The following SERINC3 variants were observed in gnomAD, a reference collection of about 807,000 sequenced individuals.
SERINC3 encodes tumor differentially expressed protein 1.
A neutral mutation model predicts 52.1 loss-of-function variants in SERINC3; 22 were observed. That is an observed-to-expected ratio of 0.42 (90% CI 0.30 to 0.60). The LOEUF is 0.60. Ranked by LOEUF, SERINC3 falls within the 20% of genes least tolerant of loss-of-function variation. SERINC3 has a pLI of 0.16. For synonymous variants in SERINC3, 226 were observed against 212.7 expected (o/e 1.06, Z -0.54); for missense variants, 564 against 584.6 (o/e 0.96, Z 0.36).
intron 6 of SERINC3, among the ~76,000 whole-genome samples, chr20:44,506,490 G>A (rs1332208204): frequency 6.8e-6 from 1 of 146,610 alleles, no homozygotes; most frequent in Admixed American, 7.0e-5. Flanking sequence ...GGAGGCTGAG[G>A]CAGAGAACTG....
intron 2 of SERINC3, among the ~76,000 whole-genome samples, 174 bp downstream of exon 2, chr20:44,513,705 A>G (rs61418818): frequency 0.013 from 2,004 of 152,280 alleles, 21 homozygotes; most frequent in East Asian, 0.063. Flanking sequence ...TTCATTCTGT[A>G]TTTCTGGAAA....
chr20:44,506,584 C>CAAAAAAAAAAAAAAAAAAAA (rs1191331026), intron 6 of SERINC3, among the ~76,000 whole-genome samples: 1 of 14,262 alleles, frequency 7.0e-5, no homozygotes, highest in African/African-American at 2.4e-4. Flanking sequence ...GACTCCATCT[C>CAAAAAAAAAAAAAAAAAAAA]AAAAAAAAAA....
intron 1 of SERINC3, among the ~76,000 whole-genome samples, chr20:44,514,724 G>A (rs1287285591): frequency 6.6e-6 from 1 of 152,160 alleles, no homozygotes; most frequent in Non-Finnish European, 1.5e-5. Context: ...TTGCGCCACT[G>A]CACTCCAGCC....
At position 44,497,457 on chromosome 20, in the gene SERINC3, A is replaced by G. The variant is rs2064254652; in HGVS notation, c.*2839T>C. On this transcript the variant is annotated 3_prime_UTR_variant, in exon 10 of 10. Transcript: ENST00000342374. ...CAGTTATCATCATGAGAAAAAAATA[A>G]AAACTTTATTGGACTTTGTTACATT... 6.6e-6 allele frequency: 1 copy of G among 152,210 alleles called. No homozygotes were observed. The highest frequency in any genetic ancestry group is 1.5e-5 in the Non-Finnish European group (1 of 68,044). 9.4% of individuals were successfully genotyped at this position (152,210 alleles called of 1,614,324 possible). A position where few individuals can be genotyped will look rare whatever the true frequency, so the allele number is the denominator to read the frequency against.
intron 8 of SERINC3, among the ~76,000 whole-genome samples, chr20:44,502,645 C>T (rs979325799): frequency 6.6e-6 from 1 of 151,482 alleles, no homozygotes; most frequent in Non-Finnish European, 1.5e-5. Flanking sequence ...TGAGGTCTCA[C>T]TCTGTCACCC....
At chr20:44,519,840 G>A (rs1255105499) in intron 1 of SERINC3, among the ~76,000 whole-genome samples, 2 of 152,086 alleles carry the variant, frequency 1.3e-5, no homozygotes, top group African/African-American at 4.8e-5. Flanking sequence ...AATCCTTGGT[G>A]TAATACTGTC....
At chr20:44,510,766 G>A (rs1365094514) in intron 4 of SERINC3, among the ~76,000 whole-genome samples, 1 of 152,044 alleles carries the variant, frequency 6.6e-6, no homozygotes, top group Non-Finnish European at 1.5e-5. Flanking sequence ...AGCTGAGATC[G>A]TGCCACGGCA....
chr20:44,519,086 G>A (rs2064399677), intron 1 of SERINC3, among the ~76,000 whole-genome samples: 1 of 151,952 alleles, frequency 6.6e-6, no homozygotes, highest in South Asian at 2.1e-4. Flanking sequence ...TGTTTTGTCA[G>A]TTTAATTCAC....
chr20:44,506,004 A>G (rs73615467), intron 6 of SERINC3, among the ~76,000 whole-genome samples: 2 of 152,226 alleles, frequency 1.3e-5, no homozygotes, highest in Admixed American at 6.5e-5. Flanking sequence ...CTAATGACTC[A>G]TAAGAATCAT....
In SERINC3 at chr20:44,506,982, T is replaced by C. The variant is rs2064318907; in HGVS notation, c.628A>G (p.Thr210Ala). The C allele has an allele frequency of 6.3e-7, 1 of 1,599,874 alleles. No homozygotes were observed. Among genetic ancestry groups the C allele is most frequent in the South Asian group, 1.1e-5 (1 of 87,646 alleles). The part of the protein sequence containing the change: ...RLWYAALLSF[T>A]SAFYILSIIC... Reference sequence around the variant, plus strand: ...ATTGACAGGATATAAAAGGCGCTTGTGAAAGACAGTAAAGCTGGAGAAAGG... The same window carrying C: ...ATTGACAGGATATAAAAGGCGCTTGCGAAAGACAGTAAAGCTGGAGAAAGG... Residue 210 changes from threonine to alanine, a missense_variant, in exon 6 of 10, where the codon ACA becomes GCA. Transcript: ENST00000342374.
intron 8 of SERINC3, among the ~76,000 whole-genome samples, chr20:44,502,741 G>C (rs956511496): frequency 2.0e-5 from 3 of 152,008 alleles, no homozygotes; most frequent in Non-Finnish European, 4.4e-5. Flanking sequence ...CAAGTAGCTG[G>C]GACTACAGAT....
chr20:44,504,662 A>G, intron 7 of SERINC3, 139 bp downstream of exon 7: 1 of 624,934 alleles, frequency 1.6e-6, no homozygotes, highest in South Asian at 2.2e-5. Flanking sequence ...ATACCTACAA[A>G]CCTACAGTGA....
intron 1 of SERINC3, among the ~76,000 whole-genome samples, chr20:44,520,994 G>C (rs1177191502): frequency 3.3e-5 from 5 of 152,176 alleles, no homozygotes; most frequent in Admixed American, 3.3e-4. Flanking sequence ...CTATCTCCAA[G>C]TAGAGAGCTT....
chr20:44,509,930 T>A lies in SERINC3; in HGVS notation c.574A>T (p.Asn192Tyr). The A allele has an allele frequency of 1.2e-6, 2 of 1,614,168 alleles. No individual in the cohort carries two copies. Among genetic ancestry groups the A allele is most frequent in the Non-Finnish European group, 1.7e-6 (2 of 1,180,004 alleles). The part of the protein sequence containing the change: ...FAHSWNESWV[N>Y]RMEEGNPRLW... Reference sequence around the variant, plus strand: ...CTTGGGTTTCCTTCTTCCATTCGATTTACCCATGATTCATTCCAAGAATGA... The same window carrying A: ...CTTGGGTTTCCTTCTTCCATTCGATATACCCATGATTCATTCCAAGAATGA... Residue 192 changes from asparagine to tyrosine, a missense_variant, in exon 5 of 10, where the codon AAT becomes TAT. Physicochemically the swap from Asn to Tyr is moderately radical, Grantham distance 143 (BLOSUM62 -2). Transcript: ENST00000342374.
intron 1 of SERINC3, among the ~76,000 whole-genome samples, chr20:44,515,806 AC>A (rs972225945): frequency 5.3e-5 from 8 of 150,834 alleles, no homozygotes; most frequent in African/African-American, 1.9e-4. Context: ...GTGCAATGCC[AC>A]CCCCAGCTGA....
intron 1 of SERINC3, among the ~76,000 whole-genome samples, chr20:44,520,576 G>C (rs1180166677): frequency 6.6e-6 from 1 of 152,076 alleles, no homozygotes; most frequent in Admixed American, 6.5e-5. Flanking sequence ...CACGAAGATG[G>C]CAACAATAAA....
rs952371209 is a variant in SERINC3, at chr20:44,498,166, T to C, written c.*2130A>G. 2 of 140,076 alleles carry C rather than the reference T, an allele frequency of 1.4e-5. No individual in the cohort carries two copies. The allele number at this position is 140,076 out of a possible 1,614,324, so 8.7% of individuals were successfully genotyped here. ...CTACCTCCATTCTTCTTCGAACACA[T>C]GTTTTTCCTGTTTGCCACCTGAATA... On this transcript the variant is annotated 3_prime_UTR_variant, in exon 10 of 10. Transcript: ENST00000342374.
At chr20:44,511,765 C>G (rs1285480658) in intron 3 of SERINC3, among the ~76,000 whole-genome samples, 2 of 152,178 alleles carry the variant, frequency 1.3e-5, no homozygotes, top group African/African-American at 2.4e-5. Flanking sequence ...GCACAGATAC[C>G]TTGCCCACAA....
intron 5 of SERINC3, among the ~76,000 whole-genome samples, chr20:44,508,263 C>T (rs532774869): frequency 2.6e-5 from 4 of 152,116 alleles, no homozygotes; most frequent in East Asian, 1.9e-4. Context: ...GCAGGTGGAT[C>T]GATTGAGTCC....
Sources: allele counts gnomAD v4.1 joint callset (sites outside exome capture counted in the v4.1 genomes callset), GRCh38; gene constraint gnomAD v4.1.1; transcripts MANE v1.5; gene names NCBI Gene and HGNC (gene_info 2026-07-23, HGNC 2026-07-21).